Variants in TRHDE observed in about 807,000 individuals in gnomAD.
TRHDE encodes the protein thyrotropin releasing hormone degrading enzyme, also known as thyrotropin-releasing hormone-degrading ectoenzyme.
Under a neutral mutation model 125.7 loss-of-function variants are expected in TRHDE, and 72 were observed. The ratio of observed to expected loss-of-function variants is 0.57; its 90% CI spans 0.47 to 0.70. The LOEUF (loss-of-function observed/expected upper bound fraction) is 0.70. Among genes scored for constraint, TRHDE ranks in the 30% least tolerant of loss-of-function variants. The pLI is 0.00. For missense variants in TRHDE, 1,110 were observed against 1,327.1 expected (o/e 0.84, Z 2.54); for synonymous variants, 509 against 509.1 (o/e 1.00, Z 0.00).
intron 3 of TRHDE, among the ~76,000 whole-genome samples, chr12:72,446,635 A>G (rs1875299889): frequency 6.6e-6 from 1 of 152,140 alleles, no homozygotes; most frequent in South Asian, 2.1e-4. Flanking sequence ...AGAGACACAC[A>G]TAGGCTCAAA....
At chr12:72,618,299 G>A (rs1490850874) in intron 12 of TRHDE, among the ~76,000 whole-genome samples, 7 of 152,006 alleles carry the variant, frequency 4.6e-5, no homozygotes, top group Admixed American at 1.3e-4. Flanking sequence ...GAAAAAAAGA[G>A]TTATTCTTTT....
chr12:72,221,378 T>C (rs1294008266), intron 2 of TRHDE, among the ~76,000 whole-genome samples: 1 of 152,110 alleles, frequency 6.6e-6, no homozygotes, highest in Non-Finnish European at 1.5e-5. Flanking sequence ...TCAAGTTCCA[T>C]GGGACATCTT....
rs965777426 is a variant in TRHDE, at chr12:72,272,659, G to A, written c.16G>A (p.Glu6Lys). 1.1e-5 allele frequency: 13 copies of A among 1,220,310 alleles called. No individual in the cohort carries two copies. Among genetic ancestry groups the A allele is most frequent in the Admixed American group, 2.9e-5 (1 of 34,744 alleles). The allele number at this position is 1,220,310 out of a possible 1,614,324, so 75.6% of individuals were successfully genotyped here. ...AGGCGGTGTGATGGCCCTGGACGGC[G>A]AGCTGGGGGAGCAAGAGGAGGAGAA... MALDG[E>K]LGEQEEEKKK... The change falls in exon 1 of 19, where the codon GAG (glutamate) becomes AAG (lysine). Residue 6 changes from glutamate to lysine, a missense_variant. By Grantham distance (56) the Glu-to-Lys change is moderately conservative. Around this residue, in one of 5 missense-constraint regions of TRHDE, gnomAD observed 248 missense variants for 240.8 expected, o/e 1.03. Transcript: ENST00000261180. The surrounding 1 kb of genome is among the most constrained non-coding windows in gnomAD (Gnocchi z 6.7).
chr12:72,099,455 G>A (rs1875016147), intron 1 of TRHDE, among the ~76,000 whole-genome samples: 2 of 152,138 alleles, frequency 1.3e-5, no homozygotes, highest in Admixed American at 1.3e-4. Flanking sequence ...CTTGGATTTT[G>A]ATATGGTGAC....
At chr12:72,244,692 G>A (rs1878542482) in intron 2 of TRHDE, among the ~76,000 whole-genome samples, 1 of 151,992 alleles carries the variant, frequency 6.6e-6, no homozygotes, top group Non-Finnish European at 1.5e-5. Flanking sequence ...AAGGCAGTAT[G>A]ACAGGTTGAT....
Position 72,667,114 on chromosome 12 carries a change from T to C in TRHDE, c.*3919T>C, listed in dbSNP as rs989217536. The C allele has an allele frequency of 5.7e-4, 87 of 152,072 alleles. No homozygotes were observed. The highest frequency in any genetic ancestry group is 1.9e-3 in the African/African-American group (80 of 41,556). 9.4% of individuals were successfully genotyped at this position (152,072 alleles called of 1,614,324 possible). Reference sequence around the variant, plus strand: ...GCAATTTTAGTACTACTGGATTAGATGCAGTAAAGGAATCCCTAAGGAAGT... The same window carrying C: ...GCAATTTTAGTACTACTGGATTAGACGCAGTAAAGGAATCCCTAAGGAAGT... On this transcript the variant is annotated 3_prime_UTR_variant, in exon 19 of 19. Transcript: ENST00000261180.
At chr12:72,528,471 A>G (rs1300373356) in intron 6 of TRHDE, among the ~76,000 whole-genome samples, 2 of 152,246 alleles carry the variant, frequency 1.3e-5, no homozygotes, top group African/African-American at 4.8e-5. Context: ...AACTGAATTT[A>G]GAACTGAAAA....
intron 6 of TRHDE, among the ~76,000 whole-genome samples, chr12:72,514,744 G>A (rs1464985241): frequency 1.3e-5 from 2 of 148,834 alleles, no homozygotes; most frequent in African/African-American, 5.0e-5. Flanking sequence ...CCACTAAATC[G>A]TCATCTAGCA....
At chr12:72,655,035 C>T (rs1874652494) in intron 17 of TRHDE, among the ~76,000 whole-genome samples, 1 of 152,122 alleles carries the variant, frequency 6.6e-6, no homozygotes, top group South Asian at 2.1e-4. Context: ...TCTTCAGGCT[C>T]ACAATGTATC....
In TRHDE at chr12:72,359,687, G is replaced by A. The variant is rs571308210; in HGVS notation, c.1189-18308G>A. ...GAGATATTATTCCAAGGGGATAAAT[G>A]CTAAGATCTAATATTTTGAAGGTGT... On this transcript the variant is annotated intron_variant, in intron 2 of 18. Coordinates refer to ENST00000261180, the MANE Select transcript of TRHDE (RefSeq NM_013381.3). 2.0e-5 allele frequency among the ~76,000 whole-genome samples: 3 copies of A among 151,770 alleles called. No individual in the cohort carries two copies. In the East Asian group the frequency reaches 5.8e-4, roughly 29 times the overall value.
At chr12:72,192,590 C>A (rs972981151) in intron 2 of TRHDE, among the ~76,000 whole-genome samples, 1 of 152,088 alleles carries the variant, frequency 6.6e-6, no homozygotes, top group Non-Finnish European at 1.5e-5. Flanking sequence ...AAAGCAGAAT[C>A]TGCTTTATAG....
rs185057731 is a variant in TRHDE at position 72,118,664 on chromosome 12, G to A, written n.279+12912G>A. On this transcript the variant is annotated intron_variant and non_coding_transcript_variant, in intron 2 of 4. Coordinates refer to the TRHDE transcript ENST00000548156. ...TTTATGTTTGGTAAAATCCATCAGT[G>A]GAGGCACAGGGTTCCAAGCTTTCCT... is the stretch of plus-strand genomic sequence containing the variant. 9.9e-5 allele frequency among the ~76,000 whole-genome samples: 15 copies of A among 152,198 alleles called. No individual in the cohort carries two copies. In the East Asian group the frequency reaches 2.1e-3, roughly 22 times the overall value.
intron 2 of TRHDE, among the ~76,000 whole-genome samples, chr12:72,320,393 T>C (rs533914554): frequency 1.3e-5 from 2 of 152,272 alleles, no homozygotes; most frequent in South Asian, 2.1e-4. Context: ...ATATAAATAG[T>C]TGTTACAGTG....
At chr12:72,380,756 T>TTCCATCCA (rs1872120081) in intron 3 of TRHDE, among the ~76,000 whole-genome samples, 1 of 95,470 alleles carries the variant, frequency 1.0e-5, no homozygotes, top group African/African-American at 6.3e-5. Flanking sequence ...CCTTCCTTCC[T>TTCCATCCA]TCCTTCCTTG....
chr12:72,652,062 T>C (rs1158962373), intron 15 of TRHDE, among the ~76,000 whole-genome samples: 2 of 152,032 alleles, frequency 1.3e-5, no homozygotes, highest in Non-Finnish European at 2.9e-5. Flanking sequence ...TTTATGTTAC[T>C]ATTTTTGTTT....
intron 12 of TRHDE, among the ~76,000 whole-genome samples, chr12:72,585,597 A>G (rs1187699176): frequency 6.6e-6 from 1 of 152,224 alleles, no homozygotes; most frequent in South Asian, 2.1e-4. Context: ...TGACTAAAGC[A>G]TACCTGGTTT....
intron 2 of TRHDE, among the ~76,000 whole-genome samples, chr12:72,246,166 T>TA (rs1878572006): frequency 6.6e-6 from 1 of 152,138 alleles, no homozygotes; most frequent in Non-Finnish European, 1.5e-5. Flanking sequence ...CTTTAATTGA[T>TA]ATTGTCCTCA....
chr12:72,175,021 T>G (rs140922196), intron 2 of TRHDE, among the ~76,000 whole-genome samples: 10 of 151,194 alleles, frequency 6.6e-5, no homozygotes, highest in African/African-American at 2.2e-4. Flanking sequence ...TGAGATCTAC[T>G]CTTTTCATAG....
intron 1 of TRHDE, among the ~76,000 whole-genome samples, chr12:72,098,866 A>G (rs1874998870): frequency 6.6e-6 from 1 of 152,232 alleles, no homozygotes; most frequent in South Asian, 2.1e-4. Context: ...ACAGAATTGT[A>G]AGAAAGAATA....
Sources: allele counts gnomAD v4.1 joint callset (sites outside exome capture counted in the v4.1 genomes callset), GRCh38; gene constraint gnomAD v4.1.1; regional missense constraint gnomAD v4.1.1; non-coding constraint Gnocchi (gnomAD v3.1); transcripts MANE v1.5; gene names NCBI Gene and HGNC (gene_info 2026-07-23, HGNC 2026-07-21).